Variants in CS observed in about 807,000 individuals in gnomAD.
The protein encoded by CS is citrate synthase, mitochondrial.
In CS, 13 loss-of-function variants were observed where a neutral mutation model predicts 61.4. The observed-to-expected ratio is 0.21, with a 90% confidence interval of 0.14 to 0.34. CS has a LOEUF of 0.34. Ranked by LOEUF, CS falls within the 10% of genes least tolerant of loss-of-function variation. The pLI is 1.00. For synonymous variants in CS, 159 were observed against 215.2 expected, an observed-to-expected ratio of 0.74 and a Z score of 2.29; for missense variants, 278 against 573.4, an observed-to-expected ratio of 0.48 and a Z score of 5.26.
intron 1 of CS, among the ~76,000 whole-genome samples, chr12:56,289,416 TGTG>T (rs746841917): frequency 2.0e-5 from 3 of 150,796 alleles, no homozygotes; most frequent in African/African-American, 2.4e-5. Context: ...GGTTGTTTGC[TGTG>T]GTGATTTTTT....
At chr12:56,289,432 T>A (rs559073745) in intron 1 of CS, among the ~76,000 whole-genome samples, 122 of 151,766 alleles carry the variant, frequency 8.0e-4, no homozygotes, top group African/African-American at 2.3e-3. Context: ...GATTTTTTTT[T>A]AAATTTAATT....
chr12:56,288,753 A>G (rs1873022804), intron 1 of CS, among the ~76,000 whole-genome samples: 1 of 151,740 alleles, frequency 6.6e-6, no homozygotes, highest in Non-Finnish European at 1.5e-5. Context: ...GGCTCAAGTG[A>G]TACTTCCACC....
intron 6 of CS, among the ~76,000 whole-genome samples, chr12:56,280,307 C>T (rs950324635): frequency 3.4e-5 from 5 of 146,342 alleles, no homozygotes; most frequent in Admixed American, 6.8e-5. Context: ...CCTAACTACT[C>T]GGGAGGCTGA....
chr12:56,273,837 A>T (rs954928617), intron 9 of CS, 41 bp from the exon 10 acceptor site: 1 of 1,541,758 alleles, frequency 6.5e-7, no homozygotes, highest in Non-Finnish European at 9.0e-7. Flanking sequence ...CTCAGTAGAA[A>T]TTCTTTTATT....
At chr12:56,294,563 G>C (rs1476131208) in intron 1 of CS, among the ~76,000 whole-genome samples, 1 of 150,870 alleles carries the variant, frequency 6.6e-6, no homozygotes, top group African/African-American at 2.4e-5. Flanking sequence ...CTTCAGAAAG[G>C]AATCACAAGT....
chr12:56,282,406 C>T lies in CS; in HGVS notation c.588+14G>A. The T allele has an allele frequency of 6.4e-7, 1 of 1,569,172 alleles. No homozygotes were observed. Among genetic ancestry groups the T allele is most frequent in the Non-Finnish European group, 8.7e-7 (1 of 1,155,356 alleles). On this transcript the variant is annotated intron_variant, in intron 6 of 10. Transcript: ENST00000351328. ...TCCCCATCACACACCGATCACCCCACCCAAATTTCCTACCTCCCAGTACTT... is the reference window on the plus strand; with the variant it reads ...TCCCCATCACACACCGATCACCCCATCCAAATTTCCTACCTCCCAGTACTT...
intron 1 of CS, chr12:56,291,275 T>C: frequency 9.1e-7 from 1 of 1,099,256 alleles, no homozygotes; most frequent in African/African-American, 1.7e-5. Context: ...CAGTCAAGCC[T>C]GAGGCAGAGG....
Position 56,282,862 on chromosome 12 carries a change from G to T in CS, c.397C>A (p.Gln133Lys). 6.2e-7 allele frequency: 1 copy of T among 1,614,158 alleles called. No individual in the cohort carries two copies. Among genetic ancestry groups the T allele is most frequent in the East Asian group, 2.2e-5 (1 of 44,882 alleles). Reference sequence around the variant, plus strand: ...CTAATAATATCCTTCTGCTTTACCTGTTCCTCTGTTGGGATATGTCCAGTT... The same window carrying T: ...CTAATAATATCCTTCTGCTTTACCTTTTCCTCTGTTGGGATATGTCCAGTT... Reference protein sequence around the residue: ...LVTGHIPTEEQVSWLSKEWAK... With the variant: ...LVTGHIPTEEKVSWLSKEWAK... Residue 133 changes from glutamine to lysine, a missense_variant and splice_region_variant, in exon 5 of 11, where the codon CAG (glutamine) becomes AAG (lysine). By Grantham distance (53) the Gln-to-Lys change is moderately conservative. Transcript: ENST00000351328.
At chr12:56,298,616 C>T (rs1873381741) in intron 1 of CS, 1 of 985,280 alleles carries the variant, frequency 1.0e-6, no homozygotes, top group Non-Finnish European at 1.2e-6. Context: ...TACCCTTTTC[C>T]CCAGCAGCAG....
At chr12:56,283,124 G>T (rs1872824805) in intron 4 of CS, 133 bp from the exon 5 acceptor site, 1 of 996,434 alleles carries the variant, frequency 1.0e-6, no homozygotes, top group Non-Finnish European at 1.5e-6. Flanking sequence ...TAGAGGTGGG[G>T]TCTTGCTATG....
At chr12:56,283,744 T>C (rs1872845248) in intron 4 of CS, 48 bp downstream of exon 4, 7 of 1,444,118 alleles carry the variant, frequency 4.8e-6, no homozygotes, top group Non-Finnish European at 6.8e-6. Flanking sequence ...GGTTTGCGTA[T>C]TTGCACAAAC....
At chr12:56,290,873 CA>C (rs148605139) in intron 1 of CS, among the ~76,000 whole-genome samples, 6,943 of 152,248 alleles carry the variant, frequency 0.046, 224 homozygotes, top group Non-Finnish European at 0.068. Context: ...GACGTATATG[CA>C]AAAGTAGTCA....
At chr12:56,275,569 TAAAAA>T (rs769377638) in intron 7 of CS, 29 of 107,020 alleles carry the variant, frequency 2.7e-4, no homozygotes, top group Admixed American at 6.7e-4. Flanking sequence ...AGACTCCATC[TAAAAA>T]AAAAAAAAAA....
In CS at chr12:56,275,151, G is replaced by C; in HGVS notation, c.789-20C>G. 1 of 1,613,780 alleles carries C rather than the reference G, an allele frequency of 6.2e-7. No homozygotes were observed. The highest frequency in any genetic ancestry group is 8.5e-7 in the Non-Finnish European group (1 of 1,179,876). On this transcript the variant is annotated intron_variant, in intron 7 of 10. Coordinates refer to ENST00000351328, the MANE Select transcript of CS (RefSeq NM_004077.3). ...TGGTCACTGTGGGGAAGTAAGAAGG[G>C]AGAGCCAAGGGAAGAAAGAAGGGGC...
At chr12:56,284,760 G>A (rs1352815795) in intron 3 of CS, among the ~76,000 whole-genome samples, 5 of 150,440 alleles carry the variant, frequency 3.3e-5, no homozygotes, top group Admixed American at 6.6e-5. Flanking sequence ...TCAGCTGGGC[G>A]TGGTGGTGCG....
chr12:56,291,377 A>C, intron 1 of CS: 1 of 662,978 alleles, frequency 1.5e-6, no homozygotes, highest in South Asian at 4.9e-5. Flanking sequence ...ACAGGCATCA[A>C]GGAAAAGATA....
intron 1 of CS, chr12:56,291,317 C>CA: frequency 2.1e-6 from 2 of 966,852 alleles, no homozygotes; most frequent in Non-Finnish European, 2.5e-6. Context: ...CTGTGGAATA[C>CA]AAAATAAAGT....
In CS at chr12:56,274,345, G is replaced by GA. The variant is rs573748928; in HGVS notation, c.1020+431_1020+432insT. 4.5e-5 allele frequency: 7 copies of GA among 154,732 alleles called. No individual in the cohort carries two copies. The South Asian group carries it at 1.2e-3, about 27-fold the overall frequency. The allele number at this position is 154,732 out of a possible 1,614,324, so 9.6% of individuals were successfully genotyped here. On this transcript the variant is annotated intron_variant, in intron 9 of 10. Coordinates refer to ENST00000351328, the MANE Select transcript of CS (RefSeq NM_004077.3). ...TAAAAAAAAAAAAAAAAAAAAGATA[G>GA]GGTCTGTGTTGCTCAGGCTGGTCTC...
At position 56,292,389 on chromosome 12, in the gene CS, T is replaced by TA. The variant is rs759545743; in HGVS notation, c.43-5745dup. ...CTGGCTGACAGAGCAAGACTTGGTC[T>TA]AAAAAAAAAAAAAAAAAAGTTCTAA... On this transcript the variant is annotated intron_variant, in intron 1 of 10. Coordinates refer to ENST00000351328, the MANE Select transcript of CS (RefSeq NM_004077.3). Among the ~76,000 whole-genome samples, 1,027 of 109,182 alleles carry TA rather than the reference T, an allele frequency of 9.4e-3. 8 individuals are homozygous for TA. Among genetic ancestry groups the TA allele is most frequent in the Non-Finnish European group, 0.012 (619 of 51,380 alleles). The allele number at this position is 109,182 out of a possible 152,430, so 71.6% of individuals were successfully genotyped here. A position where few individuals can be genotyped will look rare whatever the true frequency, so the allele number is the denominator to read the frequency against.
Sources: gnomAD v4.1 joint callset for allele counts (sites outside exome capture counted in the v4.1 genomes callset) on GRCh38, gnomAD v4.1.1 for gene constraint, MANE v1.5 for transcripts, NCBI Gene and HGNC (gene_info 2026-07-23, HGNC 2026-07-21) for gene names.